The following TTLL1 variants were observed in gnomAD, a reference collection of about 807,000 sequenced individuals.
The protein encoded by TTLL1 is polyglutamylase complex subunit TTLL1.
In TTLL1, 33 loss-of-function variants were observed where a neutral mutation model predicts 47.8. The ratio of observed to expected loss-of-function variants is 0.69; its 90% CI spans 0.52 to 0.92. The LOEUF is 0.92. Ranked by LOEUF, TTLL1 falls within the 40% of genes least tolerant of loss-of-function variation. TTLL1 has a pLI of 0.00. For synonymous variants in TTLL1, 225 were observed against 214.1 expected (o/e 1.05, Z -0.45); for missense variants, 488 against 547.5 (o/e 0.89, Z 1.08).
At chr22:43,088,130 C>A (rs1929358250) in intron 1 of TTLL1, among the ~76,000 whole-genome samples, 1 of 151,720 alleles carries the variant, frequency 6.6e-6, no homozygotes, top group African/African-American at 2.4e-5. Context: ...GGCAACAAAG[C>A]AAGACTCCGT....
intron 10 of TTLL1, among the ~76,000 whole-genome samples, chr22:43,043,206 G>T (rs1386945104): frequency 6.6e-6 from 1 of 151,906 alleles, no homozygotes; most frequent in Non-Finnish European, 1.5e-5. Context: ...CTCCCAAAGT[G>T]CTGGGATTAC....
chr22:43,056,984 G>C (rs937518885), intron 8 of TTLL1, among the ~76,000 whole-genome samples: 1 of 151,884 alleles, frequency 6.6e-6, no homozygotes, highest in African/African-American at 2.4e-5. Flanking sequence ...TTAGAAGCAA[G>C]GTCTTGGCCA....
intron 10 of TTLL1, among the ~76,000 whole-genome samples, chr22:43,043,645 T>C (rs1863308764): frequency 6.6e-6 from 1 of 151,976 alleles, no homozygotes; most frequent in South Asian, 2.1e-4. Flanking sequence ...TATCCTTTAA[T>C]CTCCACTTCC....
intron 7 of TTLL1, among the ~76,000 whole-genome samples, chr22:43,061,292 C>T (rs1180857172): frequency 6.6e-6 from 1 of 152,218 alleles, no homozygotes; most frequent in Admixed American, 6.5e-5. Flanking sequence ...GCGAGTTAGG[C>T]CAGCCACATG....
chr22:43,064,168 C>T (rs1295692738), intron 6 of TTLL1, 22 bp downstream of exon 6: 3 of 1,601,500 alleles, frequency 1.9e-6, no homozygotes, highest in East Asian at 2.2e-5. Flanking sequence ...CAAGAGGGAA[C>T]CAAAACCTTA....
At chr22:43,056,477 T>C (rs1183929939) in intron 8 of TTLL1, among the ~76,000 whole-genome samples, 1 of 148,764 alleles carries the variant, frequency 6.7e-6, no homozygotes, top group Non-Finnish European at 1.5e-5. Context: ...TTTTTTTTTT[T>C]TTTTTTTTTA....
chr22:43,047,395 C>T lies in TTLL1; in HGVS notation c.979-822G>A, dbSNP rs570455344. 5.9e-5 allele frequency among the ~76,000 whole-genome samples: 9 copies of T among 151,742 alleles called. No individual in the cohort carries two copies. In the South Asian group the frequency reaches 6.3e-4, roughly 11 times the overall value. ...ATAAGGCCTCTGAGAAGCTAAGCAA[C>T]GTCACAAGATCCACACATTAAAATG... On this transcript the variant is annotated intron_variant, in intron 9 of 10. Coordinates refer to ENST00000266254, the MANE Select transcript of TTLL1 (RefSeq NM_012263.5).
rs181761216 is a variant in TTLL1 at position 43,074,914 on chromosome 22, A to C, written c.113+560T>G. ...AAATGTGGCCAGGCGCTTGGCTTAG[A>C]CCTGTAATCCCAGCACTTTGGGAGG... is the stretch of plus-strand genomic sequence containing the variant. On this transcript the variant is annotated intron_variant, in intron 3 of 10. Transcript: ENST00000266254. Among the ~76,000 whole-genome samples the C allele has an allele frequency of 5.0e-3, 754 of 150,854 alleles. 3 individuals are homozygous for C. The highest frequency in any genetic ancestry group is 0.015 in the African/African-American group (628 of 41,100).
At position 43,040,497 on chromosome 22, in the gene TTLL1, A is replaced by G. The variant is rs149731394; in HGVS notation, c.1143-592T>C. ...GTTTCACTCTATCACCAAGGCTGGT[A>G]TACAGTGGCGCAATCTTGGCTCACT... On this transcript the variant is annotated intron_variant, in intron 10 of 10. Coordinates refer to ENST00000266254, the MANE Select transcript of TTLL1 (RefSeq NM_012263.5). Among the ~76,000 whole-genome samples, 139 of 152,174 alleles carry G rather than the reference A, an allele frequency of 9.1e-4. 3 individuals are homozygous for G. In the East Asian group the frequency reaches 0.024, roughly 27 times the overall value.
At chr22:43,056,772 G>A (rs1277420082) in intron 8 of TTLL1, among the ~76,000 whole-genome samples, 1 of 151,842 alleles carries the variant, frequency 6.6e-6, no homozygotes, top group African/African-American at 2.4e-5. Context: ...GTGACAGAGA[G>A]AGACTCCATC....
intron 7 of TTLL1, among the ~76,000 whole-genome samples, chr22:43,063,149 A>G (rs963162489): frequency 1.3e-5 from 2 of 152,202 alleles, no homozygotes; most frequent in Non-Finnish European, 2.9e-5. Flanking sequence ...ACCTCATGAC[A>G]TCCTCCCACA....
At chr22:43,088,333 T>C (rs1229292048) in intron 1 of TTLL1, among the ~76,000 whole-genome samples, 3 of 102,386 alleles carry the variant, frequency 2.9e-5, no homozygotes, top group Admixed American at 9.4e-5. Flanking sequence ...TCTTTTTTTT[T>C]TTTTTTTTTT....
intron 10 of TTLL1, among the ~76,000 whole-genome samples, chr22:43,040,930 C>T (rs1197820055): frequency 2.0e-5 from 3 of 152,164 alleles, no homozygotes; most frequent in Non-Finnish European, 4.4e-5. Context: ...CCCACAGTGG[C>T]GGGGCCCTTC....
At chr22:43,066,589 G>A (rs980851582) in intron 5 of TTLL1, among the ~76,000 whole-genome samples, 17 of 151,906 alleles carry the variant, frequency 1.1e-4, no homozygotes, top group African/African-American at 3.4e-4. Flanking sequence ...AGGTGTGGTC[G>A]TGTGTACCTA....
intron 3 of TTLL1, among the ~76,000 whole-genome samples, chr22:43,072,573 G>A (rs1305476227): frequency 1.3e-5 from 2 of 152,140 alleles, no homozygotes; most frequent in Non-Finnish European, 2.9e-5. Context: ...CTGGGCTCAA[G>A]CAAGCCTCCC....
At chr22:43,053,158 T>A (rs983736746) in intron 8 of TTLL1, among the ~76,000 whole-genome samples, 11 of 152,134 alleles carry the variant, frequency 7.2e-5, no homozygotes, top group African/African-American at 2.7e-4. Flanking sequence ...GGATTCAACC[T>A]CTGGAGACGC....
intron 10 of TTLL1, among the ~76,000 whole-genome samples, chr22:43,042,362 A>G (rs1925752859): frequency 6.6e-6 from 1 of 152,234 alleles, no homozygotes; most frequent in Non-Finnish European, 1.5e-5. Flanking sequence ...CCACCTACCG[A>G]GCCAACGCAG....
At chr22:43,080,902 C>CTTTTTCT (rs1928833866) in intron 1 of TTLL1, among the ~76,000 whole-genome samples, 2 of 69,286 alleles carry the variant, frequency 2.9e-5, no homozygotes, top group African/African-American at 5.7e-5. Context: ...TGTTGCATGA[C>CTTTTTCT]TTTTTTTTTT....
At chr22:43,083,125 G>A (rs550826801) in intron 1 of TTLL1, among the ~76,000 whole-genome samples, 1 of 152,204 alleles carries the variant, frequency 6.6e-6, no homozygotes, top group South Asian at 2.1e-4. Flanking sequence ...CTAGCACTCT[G>A]GGAGGCCGAG....
Sources: gnomAD v4.1 joint callset for allele counts (sites outside exome capture counted in the v4.1 genomes callset) on GRCh38, gnomAD v4.1.1 for gene constraint, MANE v1.5 for transcripts, NCBI Gene and HGNC (gene_info 2026-07-23, HGNC 2026-07-21) for gene names.